FILIP1L: variants seen among roughly 807,000 people sequenced by gnomAD.
FILIP1L encodes filamin A interacting protein 1 like.
FILIP1L carries 55 observed loss-of-function variants against 96.6 expected under a neutral mutation model. That is an observed-to-expected ratio of 0.57 (90% CI 0.46 to 0.71). The LOEUF (loss-of-function observed/expected upper bound fraction) is 0.71. FILIP1L is among the 30% of genes least tolerant of loss of function. FILIP1L has a pLI of 0.00. For synonymous variants in FILIP1L, 467 were observed against 473.9 expected (o/e 0.99, Z 0.19); for missense variants, 1,304 against 1,321.2 (o/e 0.99, Z 0.20).
intron 1 of FILIP1L, among the ~76,000 whole-genome samples, chr3:100,093,228 A>C (rs534285028): frequency 6.6e-6 from 1 of 152,128 alleles, no homozygotes; most frequent in Non-Finnish European, 1.5e-5. Flanking sequence ...TGAGCAGCTT[A>C]TGTCATTAGA....
At chr3:100,086,593 A>G (rs1239670823) in intron 1 of FILIP1L, among the ~76,000 whole-genome samples, 1 of 152,238 alleles carries the variant, frequency 6.6e-6, no homozygotes, top group South Asian at 2.1e-4. Context: ...CCACCAGGCT[A>G]ACGTCCAAAA....
intron 1 of FILIP1L, among the ~76,000 whole-genome samples, chr3:99,985,808 C>G (rs761961348): frequency 6.6e-6 from 1 of 152,086 alleles, no homozygotes; most frequent in African/African-American, 2.4e-5. Flanking sequence ...AGGCTGGTCT[C>G]GAACTCCTGA....
intron 4 of FILIP1L, among the ~76,000 whole-genome samples, chr3:99,892,078 T>G (rs1469382995): frequency 1.3e-5 from 2 of 152,216 alleles, no homozygotes; most frequent in Non-Finnish European, 2.9e-5. Context: ...TCTAAGAGCT[T>G]CTGCTATGCT....
chr3:100,100,297 G>T (rs966807770), intron 1 of FILIP1L, among the ~76,000 whole-genome samples: 3 of 152,152 alleles, frequency 2.0e-5, no homozygotes, highest in African/African-American at 7.2e-5. Flanking sequence ...TGTGAAAAGG[G>T]TAAAATGTAG....
chr3:99,956,918 A>G (rs1037079446), intron 1 of FILIP1L, among the ~76,000 whole-genome samples: 6 of 152,124 alleles, frequency 3.9e-5, no homozygotes, highest in East Asian at 1.9e-4. Flanking sequence ...GCCCTCACCA[A>G]TGGCTTCCTA....
rs1474658453 is a variant in FILIP1L at position 99,904,575 on chromosome 3, A to G, written c.605+19655T>C. ...GACATCTTTTTATTTCAAACATAGT[A>G]AGCCTTGAGGTTTCCTTACTTTTCT... On this transcript the variant is annotated intron_variant, in intron 4 of 5. Coordinates refer to ENST00000477258, the MANE Select transcript of FILIP1L (RefSeq NM_001387850.1). Among the ~76,000 whole-genome samples, 3 of 152,346 alleles carry G rather than the reference A, an allele frequency of 2.0e-5. No individual in the cohort carries two copies. The East Asian group carries it at 5.8e-4, about 29-fold the overall frequency.
At chr3:100,030,099 A>G (rs1278029685) in intron 1 of FILIP1L, among the ~76,000 whole-genome samples, 1 of 152,160 alleles carries the variant, frequency 6.6e-6, no homozygotes, top group East Asian at 1.9e-4. Flanking sequence ...CAGATAAGGA[A>G]ACGGAGACCC....
chr3:99,975,540 C>T (rs1027690436), intron 1 of FILIP1L, among the ~76,000 whole-genome samples: 2 of 151,446 alleles, frequency 1.3e-5, no homozygotes, highest in Middle Eastern at 3.4e-3. Context: ...TGCAGTGAGC[C>T]GAGGTCACAC....
chr3:99,990,860 A>G (rs1337552912), intron 1 of FILIP1L, among the ~76,000 whole-genome samples: 1 of 152,216 alleles, frequency 6.6e-6, no homozygotes, highest in South Asian at 2.1e-4. Flanking sequence ...ATTTTCTCCA[A>G]CAGATAAATA....
chr3:100,095,586 A>G (rs2066191526), intron 1 of FILIP1L, among the ~76,000 whole-genome samples: 1 of 152,128 alleles, frequency 6.6e-6, no homozygotes, highest in East Asian at 1.9e-4. Context: ...ATGAAACTTG[A>G]CCCCTATCTC....
chr3:100,070,654 G>T, intron 1 of FILIP1L, among the ~76,000 whole-genome samples: 1 of 151,892 alleles, frequency 6.6e-6, no homozygotes, highest in East Asian at 1.9e-4. Flanking sequence ...TTTTTGAGAC[G>T]GAGTTTCACT....
intron 1 of FILIP1L, among the ~76,000 whole-genome samples, chr3:100,033,946 T>G (rs1298658116): frequency 2.6e-5 from 4 of 152,232 alleles, no homozygotes; most frequent in African/African-American, 4.8e-5. Context: ...TTTTTATATA[T>G]GAATCATATT....
chr3:100,098,639 T>C lies in FILIP1L; in HGVS notation c.-11+15414A>G, dbSNP rs2066253975. On this transcript the variant is annotated intron_variant, in intron 1 of 5. Coordinates refer to ENST00000477258, the MANE Select transcript of FILIP1L (RefSeq NM_001387850.1). Reference sequence around the variant, plus strand: ...TTTTGTGCATATATTTCTTCCCTACTGGAGTATAAGTACCTACAGCCCTGA... The same window carrying C: ...TTTTGTGCATATATTTCTTCCCTACCGGAGTATAAGTACCTACAGCCCTGA... Among the ~76,000 whole-genome samples the C allele has an allele frequency of 2.0e-5, 3 of 152,224 alleles. No homozygotes were observed. In the South Asian group the frequency reaches 6.2e-4, roughly 31 times the overall value.
At chr3:99,890,496 T>A (rs924398777) in intron 4 of FILIP1L, among the ~76,000 whole-genome samples, 10 of 152,116 alleles carry the variant, frequency 6.6e-5, no homozygotes, top group African/African-American at 2.2e-4. Context: ...ATTAGACACA[T>A]GTTAGACTTT....
At chr3:99,924,810 C>T (rs1031845865) in intron 3 of FILIP1L, among the ~76,000 whole-genome samples, 3 of 152,178 alleles carry the variant, frequency 2.0e-5, no homozygotes, top group African/African-American at 7.2e-5. Context: ...GCATGAGCCA[C>T]GGCGCCCGGC....
intron 1 of FILIP1L, among the ~76,000 whole-genome samples, chr3:100,101,905 A>G (rs2066313785): frequency 6.6e-6 from 1 of 152,140 alleles, no homozygotes; most frequent in Non-Finnish European, 1.5e-5. Flanking sequence ...TTTGCTGAGA[A>G]TGATGGTTTC....
intron 1 of FILIP1L, among the ~76,000 whole-genome samples, chr3:100,002,916 C>G (rs1709884369): frequency 6.6e-6 from 1 of 152,218 alleles, no homozygotes; most frequent in African/African-American, 2.4e-5. Context: ...TTCTGAAGCT[C>G]TCTCTGCTGT....
intron 1 of FILIP1L, among the ~76,000 whole-genome samples, chr3:100,078,470 A>G (rs1232640621): frequency 6.6e-6 from 1 of 152,214 alleles, no homozygotes; most frequent in African/African-American, 2.4e-5. Flanking sequence ...TAAAACAGCA[A>G]TAATTTATTT....
intron 4 of FILIP1L, among the ~76,000 whole-genome samples, chr3:99,882,729 T>A (rs571254337): frequency 1.3e-5 from 2 of 152,282 alleles, no homozygotes; most frequent in African/African-American, 4.8e-5. Context: ...GCACAAACAG[T>A]GTGATTAGTA....
Sources: gnomAD v4.1 joint callset for allele counts (sites outside exome capture counted in the v4.1 genomes callset) on GRCh38, gnomAD v4.1.1 for gene constraint, MANE v1.5 for transcripts, NCBI Gene and HGNC (gene_info 2026-07-23, HGNC 2026-07-21) for gene names.